Variants in HEXB observed in about 807,000 individuals in gnomAD.
HEXB encodes the protein beta-hexosaminidase subunit beta.
In HEXB, 51 loss-of-function variants were observed where a neutral mutation model predicts 71.2. The observed-to-expected ratio is 0.72, with a 90% CI of 0.57 to 0.90. The LOEUF (loss-of-function observed/expected upper bound fraction) is 0.90, where lower values mean the gene tolerates loss of function less well. Ranked by LOEUF, HEXB falls within the 40% of genes least tolerant of loss-of-function variation. The pLI is 0.00. For missense variants in HEXB, 617 were observed against 677.0 expected (o/e 0.91, Z 0.98); for synonymous variants, 266 against 249.3 (o/e 1.07, Z -0.63).
rs1156899698 is a variant in HEXB at position 74,641,072 on chromosome 5, G to A, written c.-377+514G>A. The A allele has an allele frequency of 6.6e-6, 1 of 152,170 alleles. No individual in the cohort carries two copies. The allele number at this position is 152,170 out of a possible 1,614,324, so 9.4% of individuals were successfully genotyped here. A position where few individuals can be genotyped will look rare whatever the true frequency, so the allele number is the denominator to read the frequency against. On this transcript the variant is annotated intron_variant, in intron 1 of 13. Transcript: ENST00000511181. This position sits in a 1 kb window ranked among gnomAD's most constrained non-coding sequence, Gnocchi z 4.1. ...CCTCTTTGGGCCAGCCTGGTTAATG[G>A]ACAGCCCCGGATCTGAGGGACCCAC...
In HEXB at chr5:74,713,665, CTTAT is replaced by C. The variant is rs528256363; in HGVS notation, c.901+33_901+36del. 218 of 1,588,394 alleles carry C rather than the reference CTTAT, an allele frequency of 1.4e-4. No individual in the cohort carries two copies. In the African/African-American group the frequency reaches 2.7e-3, roughly 20 times the overall value. ...GGAGTTGTATTTTATTTCATTTTATCTTATTTTTTATTTTTTGAGATGGAGTCTT... is the reference window on the plus strand; with the variant it reads ...GGAGTTGTATTTTATTTCATTTTATCTTTTTATTTTTTGAGATGGAGTCTT... On this transcript the variant is annotated intron_variant, in intron 7 of 13. Transcript: ENST00000261416.
chr5:74,650,823 G>A (rs930888068), intron 1 of HEXB, among the ~76,000 whole-genome samples: 2 of 151,594 alleles, frequency 1.3e-5, no homozygotes, highest in African/African-American at 4.9e-5. Context: ...CTACTCGGGA[G>A]GCTGAGGGAG....
At chr5:74,656,527 AAATAAAATAAAAT>A (rs1240389205) in intron 1 of HEXB, among the ~76,000 whole-genome samples, 5,021 of 108,492 alleles carry the variant, frequency 0.046, 370 homozygotes, top group African/African-American at 0.21. Flanking sequence ...AAATAAAATA[AAATAAAATAAAAT>A]AAAAGTCAGG....
intron 2 of HEXB, among the ~76,000 whole-genome samples, chr5:74,691,787 A>G (rs1440571131): frequency 6.6e-6 from 1 of 152,182 alleles, no homozygotes. Flanking sequence ...GAATATATAG[A>G]TATGTCATTT....
At chr5:74,642,191 CAAAG>C (rs1747909989) in intron 1 of HEXB, among the ~76,000 whole-genome samples, 1 of 152,192 alleles carries the variant, frequency 6.6e-6, no homozygotes, top group Non-Finnish European at 1.5e-5. Flanking sequence ...TCCTTGCAAA[CAAAG>C]AAAGACAGTG....
chr5:74,659,914 T>C (rs901469532), intron 1 of HEXB, among the ~76,000 whole-genome samples: 1 of 152,166 alleles, frequency 6.6e-6, no homozygotes, highest in Non-Finnish European at 1.5e-5. Context: ...ATAATGTTCT[T>C]TTCCACCTTG....
At chr5:74,676,027 A>C (rs73762936) in intron 1 of HEXB, among the ~76,000 whole-genome samples, 3,746 of 152,288 alleles carry the variant, frequency 0.025, 138 homozygotes, top group African/African-American at 0.085. Flanking sequence ...AAATTAACAG[A>C]AAGTATTTCT....
chr5:74,672,878 T>C (rs1748565167), intron 1 of HEXB, among the ~76,000 whole-genome samples: 1 of 152,232 alleles, frequency 6.6e-6, no homozygotes. Flanking sequence ...GTAGGAGACA[T>C]GCAGTTGCCA....
intron 1 of HEXB, among the ~76,000 whole-genome samples, chr5:74,678,644 G>A (rs1314522568): frequency 2.6e-5 from 4 of 151,982 alleles, no homozygotes; most frequent in Admixed American, 2.6e-4. Context: ...TTTTATCATC[G>A]TTGAATGATC....
intron 1 of HEXB, among the ~76,000 whole-genome samples, chr5:74,671,826 A>G (rs1477263438): frequency 6.6e-6 from 1 of 152,190 alleles, no homozygotes; most frequent in African/African-American, 2.4e-5. Flanking sequence ...CAGTGAGGTT[A>G]AAAATCCCAG....
intron 5 of HEXB, among the ~76,000 whole-genome samples, chr5:74,698,437 G>GC (rs1749169672): frequency 6.6e-6 from 1 of 150,552 alleles, no homozygotes; most frequent in Non-Finnish European, 1.5e-5. Flanking sequence ...CTGTCGCCAG[G>GC]CTGGAGGGCA....
chr5:74,689,554 A>G (rs764153744), intron 2 of HEXB, 81 bp downstream of exon 2: 11 of 1,117,552 alleles, frequency 9.8e-6, no homozygotes, highest in Non-Finnish European at 1.5e-5. Context: ...ACTCCATGCT[A>G]GGAACCACTG....
At chr5:74,706,365 C>T (rs987813432) in intron 6 of HEXB, among the ~76,000 whole-genome samples, 5 of 152,218 alleles carry the variant, frequency 3.3e-5, no homozygotes, top group African/African-American at 4.8e-5. Context: ...CCAGCATGAG[C>T]GACACAGAAG....
At chr5:74,670,367 C>T (rs960905143) in intron 1 of HEXB, among the ~76,000 whole-genome samples, 1 of 152,106 alleles carries the variant, frequency 6.6e-6, no homozygotes, top group Non-Finnish European at 1.5e-5. Context: ...CTCACGTCCC[C>T]TCTCTGCTGA....
At chr5:74,703,282 C>T (rs745876073) in intron 5 of HEXB, among the ~76,000 whole-genome samples, 8 of 152,184 alleles carry the variant, frequency 5.3e-5, no homozygotes, top group Non-Finnish European at 1.0e-4. Flanking sequence ...CAAATTATCC[C>T]AGCTTTGGTC....
chr5:74,686,202 C>T (rs1748867889), intron 1 of HEXB, among the ~76,000 whole-genome samples: 1 of 152,164 alleles, frequency 6.6e-6, no homozygotes, highest in Non-Finnish European at 1.5e-5. Flanking sequence ...CCTGCTTCCT[C>T]TTTTACAGAC....
chr5:74,644,764 CTTT>C (rs3058406), intron 1 of HEXB, among the ~76,000 whole-genome samples: 208 of 72,910 alleles, frequency 2.9e-3, no homozygotes, highest in Non-Finnish European at 4.3e-3. Flanking sequence ...CTTTTTTTTC[CTTT>C]TTTTTTTTTT....
rs187670002 is a variant in HEXB at position 74,697,393 on chromosome 5, C to T, written c.669+287C>T. On this transcript the variant is annotated intron_variant, in intron 5 of 13. Transcript: ENST00000261416. ...ACTGCCCATTGGCCCTTTACATATA[C>T]TCCCATTTGTCAAATCATGTGTCTA... Among the ~76,000 whole-genome samples, 7 of 152,306 alleles carry T rather than the reference C, an allele frequency of 4.6e-5. No homozygotes were observed. The East Asian group carries it at 1.4e-3, about 29-fold the overall frequency.
intron 1 of HEXB, among the ~76,000 whole-genome samples, chr5:74,661,511 CTCTGTGTGTGTG>C (rs70976119): frequency 0.3 from 37,043 of 125,300 alleles, 6,291 homozygotes; most frequent in South Asian, 0.38. Flanking sequence ...TTTTCTCTCT[CTCTGTGTGTGTG>C]TGTGTGTGTG....
Sources: allele counts gnomAD v4.1 joint callset (sites outside exome capture counted in the v4.1 genomes callset), GRCh38; gene constraint gnomAD v4.1.1; non-coding constraint Gnocchi (gnomAD v3.1); transcripts MANE v1.5; gene names NCBI Gene and HGNC (gene_info 2026-07-23, HGNC 2026-07-21).